Variants in NR3C1 observed in about 807,000 individuals in gnomAD.
NR3C1 encodes glucocorticoid receptor.
Under a neutral mutation model 74.0 loss-of-function variants are expected in NR3C1, and 14 were observed. That is an observed-to-expected ratio of 0.19 (90% CI 0.12 to 0.30). The LOEUF is 0.30. Ranked by LOEUF, NR3C1 falls within the 10% of genes least tolerant of loss-of-function variation. The pLI, the probability that NR3C1 is intolerant of heterozygous loss-of-function variation, is 1.00. For missense variants in NR3C1, 695 were observed against 909.8 expected (o/e 0.76, Z 3.04); for synonymous variants, 308 against 332.5 (o/e 0.93, Z 0.80).
intron 1 of NR3C1, among the ~76,000 whole-genome samples, chr5:143,428,556 C>A (rs938667844): frequency 6.6e-6 from 1 of 152,202 alleles, no homozygotes; most frequent in South Asian, 2.1e-4. Flanking sequence ...CAGGGGCTGG[C>A]AAACTATAGG....
chr5:143,312,409 C>T (rs555824562), intron 3 of NR3C1, among the ~76,000 whole-genome samples: 18 of 152,216 alleles, frequency 1.2e-4, no homozygotes, highest in Middle Eastern at 3.4e-3. Flanking sequence ...ATGCTACTCA[C>T]GTTACTCCAC....
intron 2 of NR3C1, among the ~76,000 whole-genome samples, chr5:143,396,691 CTTAATT>C (rs148402303): frequency 0.13 from 19,539 of 151,738 alleles, 1,433 homozygotes; most frequent in Middle Eastern, 0.28. Flanking sequence ...CCAATCATCA[CTTAATT>C]TTAGACTCTG....
chr5:143,309,620 T>C (rs1820474834), intron 4 of NR3C1, among the ~76,000 whole-genome samples: 1 of 151,974 alleles, frequency 6.6e-6, no homozygotes, highest in African/African-American at 2.4e-5. Context: ...CATCCAGTTC[T>C]TCCTTGAGGT....
At chr5:143,315,098 T>A (rs911344530) in intron 2 of NR3C1, among the ~76,000 whole-genome samples, 1 of 152,156 alleles carries the variant, frequency 6.6e-6, no homozygotes, top group Non-Finnish European at 1.5e-5. Flanking sequence ...AATTGTACAA[T>A]GGATATATAC....
chr5:143,399,367 C>T (rs563912832), intron 2 of NR3C1, among the ~76,000 whole-genome samples: 11 of 152,142 alleles, frequency 7.2e-5, no homozygotes, highest in Non-Finnish European at 1.6e-4. Context: ...TATAATTTTT[C>T]GTTAAGATAT....
chr5:143,303,117 C>T (rs1196651658), intron 4 of NR3C1, among the ~76,000 whole-genome samples: 1 of 151,920 alleles, frequency 6.6e-6, no homozygotes, highest in Non-Finnish European at 1.5e-5. Flanking sequence ...AGAGATTCCA[C>T]AGAAGTGAAA....
intron 2 of NR3C1, among the ~76,000 whole-genome samples, chr5:143,330,208 T>C (rs937347978): frequency 6.6e-6 from 1 of 152,214 alleles, no homozygotes; most frequent in Non-Finnish European, 1.5e-5. Context: ...GAAGAAACAT[T>C]TAAAGCAAGT....
chr5:143,411,787 A>G (rs967592698), intron 1 of NR3C1, among the ~76,000 whole-genome samples: 1 of 152,130 alleles, frequency 6.6e-6, no homozygotes, highest in Non-Finnish European at 1.5e-5. Context: ...CTAACACACT[A>G]ATGGACATAA....
intron 7 of NR3C1, among the ~76,000 whole-genome samples, chr5:143,289,072 C>CA (rs369191318): frequency 0.29 from 20,413 of 69,974 alleles, 2,084 homozygotes; most frequent in Middle Eastern, 0.4. Flanking sequence ...GACTCCATCT[C>CA]AAAAAAAAAA....
intron 1 of NR3C1, among the ~76,000 whole-genome samples, chr5:143,401,993 G>A (rs1840370262): frequency 1.3e-5 from 2 of 152,168 alleles, no homozygotes; most frequent in African/African-American, 4.8e-5. Context: ...GGACACTATA[G>A]TCAAATCCCG....
intron 1 of NR3C1, among the ~76,000 whole-genome samples, chr5:143,410,781 A>C (rs1193141946): frequency 1.3e-5 from 2 of 152,230 alleles, no homozygotes; most frequent in Non-Finnish European, 2.9e-5. Context: ...TCACCACAAC[A>C]AAAATGAAAA....
chr5:143,367,135 C>A (rs994807882), intron 2 of NR3C1, among the ~76,000 whole-genome samples: 1 of 152,006 alleles, frequency 6.6e-6, no homozygotes, highest in Non-Finnish European at 1.5e-5. Flanking sequence ...ATGTGATAAA[C>A]CATAAAAGAC....
intron 3 of NR3C1, among the ~76,000 whole-genome samples, chr5:143,313,293 CCT>C (rs1433843413): frequency 1.3e-5 from 2 of 151,996 alleles, no homozygotes; most frequent in Non-Finnish European, 2.9e-5. Flanking sequence ...ATGCTGTTGC[CCT>C]GTCAGCAGTC....
rs1179732113 is a variant in NR3C1 at position 143,403,497 on chromosome 5, C to A, written c.-300G>T. 3.0e-6 allele frequency: 3 copies of A among 985,134 alleles called. No homozygotes were observed. Among genetic ancestry groups the A allele is most frequent in the Non-Finnish European group, 3.6e-6 (3 of 829,950 alleles). 61.0% of individuals were successfully genotyped at this position (985,134 alleles called of 1,614,324 possible). ...CCCGGTCCCAGCTGCTTCGGCCGCT[C>A]CGGCTGCGGCGTCTCCTTCCACCCA... On this transcript the variant is annotated 5_prime_UTR_variant, in exon 1 of 9. Transcript: ENST00000394464.
At chr5:143,340,854 A>G (rs1416666029) in intron 2 of NR3C1, among the ~76,000 whole-genome samples, 1 of 152,154 alleles carries the variant, frequency 6.6e-6, no homozygotes, top group Non-Finnish European at 1.5e-5. Context: ...GCTTGGGGAT[A>G]CATGTGAGGG....
At chr5:143,294,911 C>A in intron 7 of NR3C1, 4 of 984,964 alleles carry the variant, frequency 4.1e-6, no homozygotes, top group Non-Finnish European at 4.8e-6. Context: ...TCTTTGCTAG[C>A]TAAAAAGTAA....
chr5:143,323,168 C>T (rs895746352), intron 2 of NR3C1, among the ~76,000 whole-genome samples: 8 of 152,170 alleles, frequency 5.3e-5, no homozygotes, highest in African/African-American at 1.9e-4. Flanking sequence ...ACACTGGAGA[C>T]GCTCCCTGCC....
chr5:143,396,270 TA>T (rs1403663722), intron 2 of NR3C1, among the ~76,000 whole-genome samples: 2 of 151,758 alleles, frequency 1.3e-5, no homozygotes, highest in African/African-American at 2.4e-5. Context: ...GTTACAGATT[TA>T]AAAAATAAGA....
At chr5:143,312,100 G>C (rs1225730601) in intron 3 of NR3C1, among the ~76,000 whole-genome samples, 1 of 152,042 alleles carries the variant, frequency 6.6e-6, no homozygotes, top group African/African-American at 2.4e-5. Context: ...ACTTTGTTTT[G>C]TTTATATGGT....
Sources: gnomAD v4.1 joint callset for allele counts (sites outside exome capture counted in the v4.1 genomes callset) on GRCh38, gnomAD v4.1.1 for gene constraint, MANE v1.5 for transcripts, NCBI Gene and HGNC (gene_info 2026-07-23, HGNC 2026-07-21) for gene names.